Variants in NACC2 observed in about 807,000 individuals in gnomAD.
NACC2 encodes NACC family member 2, also known as nucleus accumbens-associated protein 2.
In NACC2, 8 loss-of-function variants were observed where a neutral mutation model predicts 25.1. The ratio of observed to expected loss-of-function variants is 0.32; its 90% CI spans 0.19 to 0.57. The LOEUF is 0.57. Ranked by LOEUF, NACC2 falls within the 20% of genes least tolerant of loss-of-function variation. The pLI is 0.89. For missense variants in NACC2, 644 were observed against 650.2 expected, an observed-to-expected ratio of 0.99 and a Z score of 0.10; for synonymous variants, 435 against 294.7, an observed-to-expected ratio of 1.48 and a Z score of -4.88.
intron 2 of NACC2, among the ~76,000 whole-genome samples, chr9:136,033,311 G>GA (rs905815172): frequency 1.3e-5 from 2 of 151,952 alleles, no homozygotes. Context: ...TAACAGACAT[G>GA]AAAAAAACAA....
intron 2 of NACC2, 105 bp from the exon 3 acceptor site, chr9:136,016,534 C>A: frequency 7.2e-7 from 1 of 1,379,736 alleles, no homozygotes; most frequent in Non-Finnish European, 1.0e-6. Flanking sequence ...GTTAGACCCA[C>A]TCTGCCCACC....
rs1840057997 is a variant in NACC2 at position 136,008,576 on chromosome 9, C to T, written c.*2940G>A. On this transcript the variant is annotated 3_prime_UTR_variant, in exon 6 of 6. Coordinates refer to ENST00000277554, the MANE Select transcript of NACC2 (RefSeq NM_144653.5). ...ATGAGTCAGGGTCACACTCACAGGA[C>T]AGGACAACCCCGGATTCTAGAATTA... 1 of 152,272 alleles carries T rather than the reference C, an allele frequency of 6.6e-6. No individual in the cohort carries two copies. The highest frequency in any genetic ancestry group is 1.5e-5 in the Non-Finnish European group (1 of 68,086). 9.4% of individuals were successfully genotyped at this position (152,272 alleles called of 1,614,324 possible). A position where few individuals can be genotyped will look rare whatever the true frequency, so the allele number is the denominator to read the frequency against.
At chr9:136,012,671 T>C (rs1030817638) in intron 5 of NACC2, among the ~76,000 whole-genome samples, 42 of 144,780 alleles carry the variant, frequency 2.9e-4, no homozygotes, top group Middle Eastern at 3.5e-3. Context: ...TTTTTTTTTT[T>C]TTCTTTTTTT....
intron 1 of NACC2, among the ~76,000 whole-genome samples, chr9:136,073,580 G>C (rs1167592765): frequency 6.6e-6 from 1 of 152,088 alleles, no homozygotes; most frequent in Non-Finnish European, 1.5e-5. Flanking sequence ...TGCACAATTG[G>C]TCTCGAATGC....
Position 136,008,316 on chromosome 9 carries a change from C to G in NACC2, c.*3200G>C, listed in dbSNP as rs1840054926. 1 of 152,356 alleles carries G rather than the reference C, an allele frequency of 6.6e-6. No individual in the cohort carries two copies. The highest frequency in any genetic ancestry group is 2.4e-5 in the African/African-American group (1 of 41,460). The allele number at this position is 152,356 out of a possible 1,614,324, so 9.4% of individuals were successfully genotyped here. A position where few individuals can be genotyped will look rare whatever the true frequency, so the allele number is the denominator to read the frequency against. ...CCCAGCTGCCTCCTGGGCCCATCCCCTTGGGGAAGAGGAAGGCAGGGCAGG... is the reference window on the plus strand; with the variant it reads ...CCCAGCTGCCTCCTGGGCCCATCCCGTTGGGGAAGAGGAAGGCAGGGCAGG... On this transcript the variant is annotated 3_prime_UTR_variant, in exon 6 of 6. Transcript: ENST00000277554.
intron 2 of NACC2, among the ~76,000 whole-genome samples, chr9:136,034,864 C>T (rs1244551583): frequency 2.0e-5 from 3 of 152,186 alleles, no homozygotes; most frequent in South Asian, 2.1e-4. Flanking sequence ...AAGGCACTGG[C>T]GGGCCGATCA....
At chr9:136,051,876 A>AAGGAGGAGGAGGAGGAGGAGGAGGAGG (rs1162435573) in intron 1 of NACC2, among the ~76,000 whole-genome samples, 18 of 132,366 alleles carry the variant, frequency 1.4e-4, no homozygotes, top group African/African-American at 3.9e-4. Context: ...GGGAGCCGGC[A>AAGGAGGAGGAGGAGGAGGAGGAGGAGG]AGGAGGAGGA....
At chr9:136,025,644 T>C (rs1840376378) in intron 2 of NACC2, among the ~76,000 whole-genome samples, 1 of 147,916 alleles carries the variant, frequency 6.8e-6, no homozygotes, top group Non-Finnish European at 1.5e-5. Context: ...CCGGGCGCAG[T>C]GGCTCATGCC....
rs73551123 is a variant in NACC2, at chr9:136,017,367, G to A, written c.887-938C>T. On this transcript the variant is annotated intron_variant, in intron 2 of 5. Transcript: ENST00000277554. ...CAGGGTCACAGAGCCCCTCTAGAGCGTTCATGGAGGGCCAGGGCTGAGACC... is the reference window on the plus strand; with the variant it reads ...CAGGGTCACAGAGCCCCTCTAGAGCATTCATGGAGGGCCAGGGCTGAGACC... Among the ~76,000 whole-genome samples, 233 of 152,272 alleles carry A rather than the reference G, an allele frequency of 1.5e-3. 1 individual carries two copies. The highest frequency in any genetic ancestry group is 4.0e-3 in the Admixed American group (61 of 15,308).
At chr9:136,049,161 C>G (rs1042670346) in intron 2 of NACC2, among the ~76,000 whole-genome samples, 3 of 152,226 alleles carry the variant, frequency 2.0e-5, no homozygotes, top group Non-Finnish European at 2.9e-5. Context: ...ACTGCTCACT[C>G]GGCTCAGCAC....
At chr9:136,092,427 C>T (rs574902423) in intron 1 of NACC2, among the ~76,000 whole-genome samples, 1 of 152,342 alleles carries the variant, frequency 6.6e-6, no homozygotes, top group Admixed American at 6.5e-5. Context: ...CATCAGACGG[C>T]GGCTCAGGTC....
intron 1 of NACC2, among the ~76,000 whole-genome samples, chr9:136,070,029 C>CA: frequency 6.6e-6 from 1 of 151,826 alleles, no homozygotes; most frequent in East Asian, 1.9e-4. Context: ...GAACATATGC[C>CA]AAGACAGACA....
At chr9:136,045,800 A>G (rs1840713910) in intron 2 of NACC2, among the ~76,000 whole-genome samples, 1 of 152,168 alleles carries the variant, frequency 6.6e-6, no homozygotes, top group Non-Finnish European at 1.5e-5. Flanking sequence ...AGCAGCTGCC[A>G]TGACCGTCTC....
At chr9:136,041,523 CGA>C (rs1443382004) in intron 2 of NACC2, among the ~76,000 whole-genome samples, 3 of 152,054 alleles carry the variant, frequency 2.0e-5, no homozygotes, top group Admixed American at 6.6e-5. Flanking sequence ...GTATATCATA[CGA>C]TTCCATTGAA....
chr9:136,070,583 G>A (rs1841137990), intron 1 of NACC2, among the ~76,000 whole-genome samples: 1 of 151,276 alleles, frequency 6.6e-6, no homozygotes, highest in South Asian at 2.1e-4. Flanking sequence ...GTGGGGCTGA[G>A]AGGAAAATTT....
In NACC2 at chr9:136,013,745, T is replaced by C; in HGVS notation, c.1157+119A>G. ...TGGGGCCGACCGGCCACGGCTGAAG[T>C]CAGGAATGCGAGAGGGCTTTCAATG... On this transcript the variant is annotated intron_variant, in intron 4 of 5. Transcript: ENST00000277554. This position sits in a 1 kb window ranked among gnomAD's most constrained non-coding sequence, Gnocchi z 6.6. 1.1e-6 allele frequency: 1 copy of C among 874,766 alleles called. No homozygotes were observed. Among genetic ancestry groups the C allele is most frequent in the Non-Finnish European group, 1.7e-6 (1 of 575,198 alleles). The allele number at this position is 874,766 out of a possible 1,614,324, so 54.2% of individuals were successfully genotyped here.
In NACC2 at chr9:136,007,485, A is replaced by C. The variant is rs1840036707; in HGVS notation, c.*4031T>G. ...CAGACGCACACACACAGACGCACAC[A>C]CGCACAGACACACACATGCACAGAC... is the stretch of plus-strand genomic sequence containing the variant. On this transcript the variant is annotated 3_prime_UTR_variant, in exon 6 of 6. Coordinates refer to ENST00000277554, the MANE Select transcript of NACC2 (RefSeq NM_144653.5). 2 of 151,774 alleles carry C rather than the reference A, an allele frequency of 1.3e-5. No homozygotes were observed. Among genetic ancestry groups the C allele is most frequent in the Non-Finnish European group, 3.0e-5 (2 of 67,422 alleles). 9.4% of individuals were successfully genotyped at this position (151,774 alleles called of 1,614,324 possible).
chr9:136,031,827 T>G (rs1016485744), intron 2 of NACC2, among the ~76,000 whole-genome samples: 2 of 152,352 alleles, frequency 1.3e-5, no homozygotes, highest in East Asian at 3.9e-4. Flanking sequence ...TGGAACCGAT[T>G]TAACCCACAT....
intron 1 of NACC2, among the ~76,000 whole-genome samples, chr9:136,057,017 G>T (rs1205412934): frequency 3.3e-5 from 5 of 152,176 alleles, no homozygotes; most frequent in African/African-American, 1.2e-4. Flanking sequence ...ACAGCCCCCA[G>T]CCCCCACCCC....
Sources: gnomAD v4.1 joint callset for allele counts (sites outside exome capture counted in the v4.1 genomes callset) on GRCh38, gnomAD v4.1.1 for gene constraint, Gnocchi (gnomAD v3.1) non-coding constraint, MANE v1.5 for transcripts, NCBI Gene and HGNC (gene_info 2026-07-23, HGNC 2026-07-21) for gene names.